The following TMEM108 variants were observed in gnomAD, a reference collection of about 807,000 sequenced individuals.
The protein encoded by TMEM108 is transmembrane protein 108, also known as cancer/testis antigen 124.
Under a neutral mutation model 35.1 loss-of-function variants are expected in TMEM108, and 12 were observed. The ratio of observed to expected loss-of-function variants is 0.34; its 90% CI spans 0.22 to 0.55. The LOEUF is 0.55. Ranked by LOEUF, TMEM108 falls within the 20% of genes least tolerant of loss-of-function variation. The pLI is 0.89. For missense variants in TMEM108, 680 were observed against 753.3 expected (o/e 0.90, Z 1.14); for synonymous variants, 287 against 308.6 (o/e 0.93, Z 0.73).
intron 2 of TMEM108, among the ~76,000 whole-genome samples, chr3:133,197,270 G>A (rs944706481): frequency 6.6e-6 from 1 of 152,188 alleles, no homozygotes; most frequent in East Asian, 1.9e-4. Flanking sequence ...GAGGAGTGAA[G>A]ATCAGAAAGG....
intron 3 of TMEM108, among the ~76,000 whole-genome samples, chr3:133,292,935 G>T (rs7625110): frequency 0.14 from 21,581 of 152,096 alleles, 1,615 homozygotes; most frequent in South Asian, 0.22. Flanking sequence ...TATCTATAAA[G>T]TTGGTATACT....
rs576319947 is a variant in TMEM108, at chr3:133,356,534, A to G, written c.41-23218A>G. Among the ~76,000 whole-genome samples the G allele has an allele frequency of 2.3e-3, 345 of 152,346 alleles. 1 individual carries two copies. The highest frequency in any genetic ancestry group is 8.1e-3 in the African/African-American group (337 of 41,596). On this transcript the variant is annotated intron_variant, in intron 3 of 5. Transcript: ENST00000321871. ...AATCAAAGCAATACTAAGCAAAAAG[A>G]ACAGATCTGGAGACATCACATTACC...
chr3:133,375,968 C>A (rs981939262), intron 3 of TMEM108, among the ~76,000 whole-genome samples: 1 of 152,138 alleles, frequency 6.6e-6, no homozygotes, highest in African/African-American at 2.4e-5. Flanking sequence ...GTGGCAGTAT[C>A]CGTTCATTGT....
At chr3:133,092,074 C>T (rs557730944) in intron 2 of TMEM108, among the ~76,000 whole-genome samples, 35 of 152,250 alleles carry the variant, frequency 2.3e-4, no homozygotes, top group African/African-American at 7.5e-4. Flanking sequence ...GGGAGGAAGA[C>T]GACAGCTTTT....
At chr3:133,309,146 T>C (rs893245420) in intron 3 of TMEM108, among the ~76,000 whole-genome samples, 4 of 152,190 alleles carry the variant, frequency 2.6e-5, no homozygotes, top group African/African-American at 4.8e-5. Flanking sequence ...AGTTTATTTG[T>C]GTAGAGGTGT....
chr3:133,363,073 T>G (rs988673938), intron 3 of TMEM108, among the ~76,000 whole-genome samples: 2 of 152,190 alleles, frequency 1.3e-5, no homozygotes, highest in African/African-American at 4.8e-5. Context: ...ACTTACTACA[T>G]GCGTGGACCA....
At chr3:133,337,104 G>C (rs2071522724) in intron 3 of TMEM108, among the ~76,000 whole-genome samples, 1 of 152,146 alleles carries the variant, frequency 6.6e-6, no homozygotes, top group Non-Finnish European at 1.5e-5. Context: ...GGCACCTCTG[G>C]ACCCACCTGG....
At chr3:133,370,910 G>A (rs2072645356) in intron 3 of TMEM108, among the ~76,000 whole-genome samples, 1 of 144,548 alleles carries the variant, frequency 6.9e-6, no homozygotes, top group Admixed American at 6.8e-5. Flanking sequence ...GTGTGTGTGT[G>A]TGTGTGTGTG....
chr3:133,390,565 TC>T (rs11356715), intron 5 of TMEM108, among the ~76,000 whole-genome samples: 129,725 of 152,144 alleles, frequency 0.85, 56,672 homozygotes, highest in East Asian at 0.99. Flanking sequence ...GAAGCACTGT[TC>T]CTGGGACTTT....
intron 2 of TMEM108, among the ~76,000 whole-genome samples, chr3:133,051,590 C>T (rs921049836): frequency 6.6e-6 from 1 of 152,056 alleles, no homozygotes; most frequent in Admixed American, 6.6e-5. Flanking sequence ...CATTGCCATA[C>T]CCAAGATCAT....
chr3:133,288,119 A>G (rs1947010936), intron 3 of TMEM108, among the ~76,000 whole-genome samples: 1 of 152,180 alleles, frequency 6.6e-6, no homozygotes, highest in Admixed American at 6.5e-5. Flanking sequence ...TCATTTATAC[A>G]CCTCATGCCT....
intron 2 of TMEM108, among the ~76,000 whole-genome samples, chr3:133,095,274 G>A (rs548298346): frequency 1.3e-5 from 2 of 152,168 alleles, no homozygotes; most frequent in South Asian, 4.1e-4. Context: ...TCTACCAAAG[G>A]TGATGGTCTC....
intron 2 of TMEM108, among the ~76,000 whole-genome samples, chr3:133,082,934 G>A (rs34346534): frequency 0.31 from 46,892 of 151,976 alleles, 9,122 homozygotes; most frequent in African/African-American, 0.57. Context: ...GATTACAGGC[G>A]TGAGCCACCA....
At chr3:133,136,234 G>C (rs1297813033) in intron 2 of TMEM108, among the ~76,000 whole-genome samples, 1 of 152,194 alleles carries the variant, frequency 6.6e-6, no homozygotes, top group Non-Finnish European at 1.5e-5. Context: ...TGACTGGTAG[G>C]ACCTCTTGTT....
chr3:133,369,735 A>T (rs1317163171), intron 3 of TMEM108, among the ~76,000 whole-genome samples: 1 of 152,202 alleles, frequency 6.6e-6, no homozygotes, highest in Non-Finnish European at 1.5e-5. Flanking sequence ...GCTAAAAGAG[A>T]TCCAAGGATC....
chr3:133,105,114 A>G (rs894383036), intron 2 of TMEM108, among the ~76,000 whole-genome samples: 1 of 152,092 alleles, frequency 6.6e-6, no homozygotes, highest in Non-Finnish European at 1.5e-5. Context: ...TTATTATCTC[A>G]CAGTTCTCTA....
At chr3:133,177,256 T>A in intron 2 of TMEM108, among the ~76,000 whole-genome samples, 1 of 152,196 alleles carries the variant, frequency 6.6e-6, no homozygotes, top group Non-Finnish European at 1.5e-5. Context: ...GCTGGTACCA[T>A]TCCTTCTGAA....
intron 3 of TMEM108, among the ~76,000 whole-genome samples, chr3:133,369,985 T>C (rs1016790310): frequency 4.6e-5 from 7 of 152,160 alleles, no homozygotes; most frequent in African/African-American, 1.7e-4. Flanking sequence ...ATTTAGAAGT[T>C]TTAACTATAC....
In TMEM108 at chr3:133,144,543, G is replaced by C. The variant is rs1375590639; in HGVS notation, c.-46-84723G>C. ...TCTAGTTCTAGATCCTTGAGGAATT[G>C]TCATACTGTCTTCCACAATAGTTGA... is the stretch of plus-strand genomic sequence containing the variant. On this transcript the variant is annotated intron_variant, in intron 2 of 5. Coordinates refer to ENST00000321871, the MANE Select transcript of TMEM108 (RefSeq NM_023943.4). Among the ~76,000 whole-genome samples, 9 of 152,182 alleles carry C rather than the reference G, an allele frequency of 5.9e-5. No individual in the cohort carries two copies. The East Asian group carries it at 1.7e-3, about 29-fold the overall frequency.
Sources: allele counts gnomAD v4.1 joint callset (sites outside exome capture counted in the v4.1 genomes callset), GRCh38; gene constraint gnomAD v4.1.1; transcripts MANE v1.5; gene names NCBI Gene and HGNC (gene_info 2026-07-23, HGNC 2026-07-21).